KLHL40: variants seen among roughly 807,000 people sequenced by gnomAD.
KLHL40 encodes kelch like family member 40, also known as kelch-like protein 40.
Under a neutral mutation model 49.7 loss-of-function variants are expected in KLHL40, and 44 were observed. The observed-to-expected ratio is 0.89, with a 90% CI of 0.70 to 1.14. KLHL40 has a LOEUF of 1.14. Ranked by LOEUF, KLHL40 falls within the 50% of genes most tolerant of loss-of-function variation. The pLI, the probability that KLHL40 is intolerant of heterozygous loss-of-function variation, is 0.00. For missense variants in KLHL40, 892 were observed against 850.3 expected, an observed-to-expected ratio of 1.05 and a Z score of -0.61; for synonymous variants, 409 against 365.2, an observed-to-expected ratio of 1.12 and a Z score of -1.37.
chr3:42,688,330 T>C lies in KLHL40; in HGVS notation c.1313+28T>C, dbSNP rs768370457. 1.1e-4 allele frequency: 176 copies of C among 1,610,812 alleles called. No individual in the cohort carries two copies. The highest frequency in any genetic ancestry group is 1.4e-4 in the Non-Finnish European group (169 of 1,178,378). On this transcript the variant is annotated intron_variant, in intron 2 of 5. Coordinates refer to ENST00000287777, the MANE Select transcript of KLHL40 (RefSeq NM_152393.4). The surrounding 1 kb of genome is among the most constrained non-coding windows in gnomAD (Gnocchi z 4.2). Reference sequence around the variant, plus strand: ...GAGCATGGCTGGGGTGGGGCTGAGCTCCGTGGGGGTGAGTGGGGCATGGAG... The same window carrying C: ...GAGCATGGCTGGGGTGGGGCTGAGCCCCGTGGGGGTGAGTGGGGCATGGAG...
intron 4 of KLHL40, among the ~76,000 whole-genome samples, chr3:42,690,304 C>T (rs182989740): frequency 7.2e-5 from 11 of 152,314 alleles, no homozygotes; most frequent in African/African-American, 1.4e-4. Context: ...AGGAAAGTCA[C>T]GTCAGCAGGG....
In KLHL40 at chr3:42,685,597, A is replaced by T; in HGVS notation, c.-22A>T. ...AGAGAGGAGCCCCCTTGGCACCGCC[A>T]CCGCACCCTAGGCCACCCACCATGG... On this transcript the variant is annotated 5_prime_UTR_variant, in exon 1 of 6. Coordinates refer to ENST00000287777, the MANE Select transcript of KLHL40 (RefSeq NM_152393.4). 1.9e-6 allele frequency: 3 copies of T among 1,555,592 alleles called. No homozygotes were observed. Among genetic ancestry groups the T allele is most frequent in the Non-Finnish European group, 2.6e-6 (3 of 1,149,458 alleles).
Position 42,685,684 on chromosome 3 carries a change from G to T in KLHL40, c.66G>T (p.Gly22=). 6.2e-7 allele frequency: 1 copy of T among 1,613,024 alleles called. No homozygotes were observed. The highest frequency in any genetic ancestry group is 2.2e-5 in the East Asian group (1 of 44,876). The part of the protein sequence containing the change: ...RLYQQTLLQD[G]LKDMLDHGKF... ...ACCAGCAGACGCTCCTGCAAGACGG[G>T]CTCAAAGACATGCTGGACCATGGCA... is the stretch of plus-strand genomic sequence containing the variant. The change falls in exon 1 of 6, where the codon GGG becomes GGT. Residue 22 remains glycine (G), a synonymous_variant. Coordinates refer to ENST00000287777, the MANE Select transcript of KLHL40 (RefSeq NM_152393.4).
In KLHL40 at chr3:42,692,247, C is replaced by T. The variant is rs1575223146; in HGVS notation, c.*254C>T. Reference sequence around the variant, plus strand: ...GTTGTCTTGATCCATGAACCAGAACCACAGGGCGGTATCCCAGGCCGTGTG... The same window carrying T: ...GTTGTCTTGATCCATGAACCAGAACTACAGGGCGGTATCCCAGGCCGTGTG... On this transcript the variant is annotated 3_prime_UTR_variant, in exon 6 of 6. Coordinates refer to ENST00000287777, the MANE Select transcript of KLHL40 (RefSeq NM_152393.4). The T allele has an allele frequency of 1.9e-6, 1 of 518,386 alleles. No homozygotes were observed. The highest frequency in any genetic ancestry group is 3.2e-5 in the East Asian group (1 of 30,812). 32.1% of individuals were successfully genotyped at this position (518,386 alleles called of 1,614,324 possible). A position where few individuals can be genotyped will look rare whatever the true frequency, so the allele number is the denominator to read the frequency against.
rs894273104 is a variant in KLHL40 at position 42,685,733 on chromosome 3, G to A, written c.115G>A (p.Ala39Thr). The A allele has an allele frequency of 6.2e-7, 1 of 1,612,850 alleles. No individual in the cohort carries two copies. The change falls in exon 1 of 6, where the codon GCG (alanine) becomes ACG (threonine). Residue 39 changes from alanine to threonine, a missense_variant. By Grantham distance (58) the Ala-to-Thr change is moderately conservative. Transcript: ENST00000287777. Reference sequence around the variant, plus strand: ...CAAGTTCCTCGACTGTGTGGTGCGGGCGGGCGAGCGCGAGTTCCCGTGCCA... The same window carrying A: ...CAAGTTCCTCGACTGTGTGGTGCGGACGGGCGAGCGCGAGTTCCCGTGCCA... ...HGKFLDCVVR[A>T]GEREFPCHRL...
chr3:42,691,457 C>T (rs562490310), intron 5 of KLHL40, among the ~76,000 whole-genome samples: 1 of 152,198 alleles, frequency 6.6e-6, no homozygotes, highest in East Asian at 1.9e-4. Flanking sequence ...ACTTTAGCCT[C>T]TGGGGCATCT....
intron 4 of KLHL40, among the ~76,000 whole-genome samples, chr3:42,690,565 G>A (rs1697347230): frequency 6.6e-6 from 1 of 152,142 alleles, no homozygotes; most frequent in Non-Finnish European, 1.5e-5. Flanking sequence ...GTTGTGAGTT[G>A]GAGGGTGGAG....
At position 42,692,053 on chromosome 3, in the gene KLHL40, C is replaced by T; in HGVS notation, c.*60C>T. 1 of 1,019,692 alleles carries T rather than the reference C, an allele frequency of 9.8e-7. No homozygotes were observed. The highest frequency in any genetic ancestry group is 1.3e-5 in the South Asian group (1 of 77,840). The allele number at this position is 1,019,692 out of a possible 1,614,324, so 63.2% of individuals were successfully genotyped here. ...ATCCTGCGACCCTCACTGGCCTGGCCTTGTGGGGGCTCCAGAAAAGAGGCT... is the reference window on the plus strand; with the variant it reads ...ATCCTGCGACCCTCACTGGCCTGGCTTTGTGGGGGCTCCAGAAAAGAGGCT... On this transcript the variant is annotated 3_prime_UTR_variant, in exon 6 of 6. Transcript: ENST00000287777.
chr3:42,686,112 G>A lies in KLHL40; in HGVS notation c.494G>A (p.Arg165His). The A allele has an allele frequency of 1.2e-6, 2 of 1,600,546 alleles. No individual in the cohort carries two copies. The highest frequency in any genetic ancestry group is 8.5e-7 in the Non-Finnish European group (1 of 1,179,422). The change falls in exon 1 of 6, where the codon CGC becomes CAC. Residue 165 changes from arginine to histidine, a missense_variant. Physicochemically the swap from Arg to His is conservative, Grantham distance 29. Coordinates refer to ENST00000287777, the MANE Select transcript of KLHL40 (RefSeq NM_152393.4). ...TGCGCTCACTTCACGCTGGTGGCGC[G>A]CGACGCTGACTTCCTCGGACTCTCG... ...FICAHFTLVA[R>H]DADFLGLSAD...
chr3:42,690,338 C>A (rs558112660), intron 4 of KLHL40, among the ~76,000 whole-genome samples: 8 of 152,144 alleles, frequency 5.3e-5, no homozygotes, highest in Non-Finnish European at 1.2e-4. Flanking sequence ...GACCTCAGTG[C>A]GTGTGCAGTG....
rs72865703 is a variant in KLHL40, at chr3:42,688,550, C to T, written c.1314-60C>T. On this transcript the variant is annotated intron_variant, in intron 2 of 5. Transcript: ENST00000287777. This position sits in a 1 kb window ranked among gnomAD's most constrained non-coding sequence, Gnocchi z 4.2. Reference sequence around the variant, plus strand: ...GTGGATGGGCGGATGGGTGCAGAGACAGGGACTGAGCCGAGCCTGGATGGG... The same window carrying T: ...GTGGATGGGCGGATGGGTGCAGAGATAGGGACTGAGCCGAGCCTGGATGGG... The T allele has an allele frequency of 0.02, 25,459 of 1,285,618 alleles. 1,742 individuals carry two copies. Among genetic ancestry groups the T allele is most frequent in the East Asian group, 0.17 (7,004 of 42,426 alleles). 79.6% of individuals were successfully genotyped at this position (1,285,618 alleles called of 1,614,324 possible).
In KLHL40 at chr3:42,686,738, A is replaced by G; in HGVS notation, c.1120A>G (p.Lys374Glu). ...AGGCCTCTTCTACAACGAAGACAAC[A>G]AAGAGGACCCCATGAGCGCATACTT... is the stretch of plus-strand genomic sequence containing the variant. Reference protein sequence around the residue: ...AGGLFYNEDNKEDPMSAYFLQ... With the variant: ...AGGLFYNEDNEEDPMSAYFLQ... Residue 374 changes from lysine to glutamate, a missense_variant, in exon 1 of 6, where the codon AAA becomes GAA. By Grantham distance (56) the Lys-to-Glu change is moderately conservative (BLOSUM62 1). Coordinates refer to ENST00000287777, the MANE Select transcript of KLHL40 (RefSeq NM_152393.4). 1 of 1,612,720 alleles carries G rather than the reference A, an allele frequency of 6.2e-7. No homozygotes were observed. The highest frequency in any genetic ancestry group is 1.1e-5 in the South Asian group (1 of 91,050).
Position 42,685,955 on chromosome 3 carries a change from A to T in KLHL40, c.337A>T (p.Ile113Phe). The change falls in exon 1 of 6, where the codon ATC becomes TTC. Residue 113 changes from isoleucine to phenylalanine, a missense_variant. Ile to Phe is a conservative substitution (Grantham distance 21). Transcript: ENST00000287777. ...DLFAAAHRFQIPSIFTICVSF... is the reference protein window; with the variant it reads ...DLFAAAHRFQFPSIFTICVSF... ...GTTCGCCGCGGCACACCGCTTCCAGATCCCTTCCATCTTCACCATCTGCGT... is the reference window on the plus strand; with the variant it reads ...GTTCGCCGCGGCACACCGCTTCCAGTTCCCTTCCATCTTCACCATCTGCGT... The T allele has an allele frequency of 6.2e-7, 1 of 1,611,792 alleles. No individual in the cohort carries two copies. The highest frequency in any genetic ancestry group is 2.2e-5 in the East Asian group (1 of 44,856).
In KLHL40 at chr3:42,688,324, C is replaced by T. The variant is rs938092274; in HGVS notation, c.1313+22C>T. 1.2e-6 allele frequency: 2 copies of T among 1,612,586 alleles called. No individual in the cohort carries two copies. The highest frequency in any genetic ancestry group is 1.7e-6 in the Non-Finnish European group (2 of 1,179,494). On this transcript the variant is annotated intron_variant, in intron 2 of 5. Coordinates refer to ENST00000287777, the MANE Select transcript of KLHL40 (RefSeq NM_152393.4). This position sits in a 1 kb window ranked among gnomAD's most constrained non-coding sequence, Gnocchi z 4.2. The stretch of plus-strand genomic sequence containing the variant: ...GGCTGTGAGCATGGCTGGGGTGGGG[C>T]TGAGCTCCGTGGGGGTGAGTGGGGC...
In KLHL40 at chr3:42,685,574, A is replaced by C. The variant is rs753950545; in HGVS notation, c.-45A>C. 1.1e-5 allele frequency: 16 copies of C among 1,514,586 alleles called. No individual in the cohort carries two copies. The highest frequency in any genetic ancestry group is 1.7e-4 in the Middle Eastern group (1 of 5,728). 93.8% of individuals were successfully genotyped at this position (1,514,586 alleles called of 1,614,324 possible). Reference sequence around the variant, plus strand: ...CCCCAGCAGGAAAGCAGGGGTACAGAGAGGAGCCCCCTTGGCACCGCCACC... The same window carrying C: ...CCCCAGCAGGAAAGCAGGGGTACAGCGAGGAGCCCCCTTGGCACCGCCACC... On this transcript the variant is annotated 5_prime_UTR_variant, in exon 1 of 6. Transcript: ENST00000287777.
chr3:42,688,534 C>T lies in KLHL40; in HGVS notation c.1314-76C>T, dbSNP rs577693673. ...CTCGAATATGTGTTAGGTGGATGGG[C>T]GGATGGGTGCAGAGACAGGGACTGA... On this transcript the variant is annotated intron_variant, in intron 2 of 5. Transcript: ENST00000287777. This position sits in a 1 kb window ranked among gnomAD's most constrained non-coding sequence, Gnocchi z 4.2. 25 of 1,135,724 alleles carry T rather than the reference C, an allele frequency of 2.2e-5. No homozygotes were observed. Among genetic ancestry groups the T allele is most frequent in the Admixed American group, 5.6e-5 (3 of 54,004 alleles). 70.4% of individuals were successfully genotyped at this position (1,135,724 alleles called of 1,614,324 possible).
At chr3:42,691,106 G>A (rs1031867678) in intron 5 of KLHL40, 101 bp downstream of exon 5, 4 of 1,228,010 alleles carry the variant, frequency 3.3e-6, no homozygotes, top group Non-Finnish European at 4.5e-6. Flanking sequence ...TCCTCTGGGG[G>A]CAAAGCGGAT....
rs1246685748 is a variant in KLHL40 at position 42,685,866 on chromosome 3, C to G, written c.248C>G (p.Ala83Gly). 3 of 1,612,892 alleles carry G rather than the reference C, an allele frequency of 1.9e-6. No individual in the cohort carries two copies. The highest frequency in any genetic ancestry group is 2.5e-6 in the Non-Finnish European group (3 of 1,179,980). The change falls in exon 1 of 6, where the codon GCC becomes GGC. Residue 83 changes from alanine (A) to glycine (G), a missense_variant. Ala to Gly is a moderately conservative substitution (Grantham distance 60). Transcript: ENST00000287777. Reference sequence around the variant, plus strand: ...GAGGAGGTGTCCCCGGACGTGGTGGCCCAGGTGCTGCACTACCTGTACACA... The same window carrying G: ...GAGGAGGTGTCCCCGGACGTGGTGGGCCAGGTGCTGCACTACCTGTACACA... ...HLEEVSPDVV[A>G]QVLHYLYTSE...
Position 42,685,742 on chromosome 3 carries a change from C to T in KLHL40, c.124C>T (p.Arg42Cys). The change falls in exon 1 of 6, where the codon CGC becomes TGC. Residue 42 changes from arginine (R) to cysteine (C), a missense_variant. Coordinates refer to ENST00000287777, the MANE Select transcript of KLHL40 (RefSeq NM_152393.4). ...FLDCVVRAGEREFPCHRLVLA... is the reference protein window; with the variant it reads ...FLDCVVRAGECEFPCHRLVLA... ...CGACTGTGTGGTGCGGGCGGGCGAG[C>T]GCGAGTTCCCGTGCCATCGCCTGGT... The T allele has an allele frequency of 6.2e-7, 1 of 1,612,846 alleles. No homozygotes were observed. Among genetic ancestry groups the T allele is most frequent in the Non-Finnish European group, 8.5e-7 (1 of 1,179,764 alleles).
Sources: allele counts gnomAD v4.1 joint callset (sites outside exome capture counted in the v4.1 genomes callset), GRCh38; gene constraint gnomAD v4.1.1; non-coding constraint Gnocchi (gnomAD v3.1); transcripts MANE v1.5; gene names NCBI Gene and HGNC (gene_info 2026-07-23, HGNC 2026-07-21).